Variants in SLC4A10 observed in about 807,000 individuals in gnomAD.
The protein encoded by SLC4A10 is solute carrier family 4 member 10, also known as sodium-driven chloride bicarbonate exchanger.
Under a neutral mutation model 137.7 loss-of-function variants are expected in SLC4A10, and 42 were observed. That is an observed-to-expected ratio of 0.30 (90% CI 0.24 to 0.39). The LOEUF is 0.39. SLC4A10 is among the 10% of genes least tolerant of loss of function. The pLI is 1.00. For missense variants in SLC4A10, 925 were observed against 1,355.0 expected, an observed-to-expected ratio of 0.68 and a Z score of 4.98; for synonymous variants, 474 against 464.1, an observed-to-expected ratio of 1.02 and a Z score of -0.27.
intron 16 of SLC4A10, among the ~76,000 whole-genome samples, chr2:161,943,471 G>C (rs190009753): frequency 3.9e-4 from 60 of 151,984 alleles, no homozygotes; most frequent in Admixed American, 7.2e-4. Flanking sequence ...TCAATCCTGT[G>C]CCATTGTCTT....
At chr2:161,636,859 AATTTTTTT>A (rs1288483236) in intron 1 of SLC4A10, among the ~76,000 whole-genome samples, 4 of 150,858 alleles carry the variant, frequency 2.7e-5, no homozygotes, top group Non-Finnish European at 4.4e-5. Context: ...CTGTCTAATT[AATTTTTTT>A]ATTTTTTTAT....
At chr2:161,833,855 T>TA (rs1208941777) in intron 3 of SLC4A10, among the ~76,000 whole-genome samples, 1 of 152,114 alleles carries the variant, frequency 6.6e-6, no homozygotes, top group African/African-American at 2.4e-5. Flanking sequence ...CTTCAAAAAT[T>TA]AAAAAAAGTT....
At chr2:161,771,164 TGGTAGCTTACTG>T in intron 2 of SLC4A10, 110 bp downstream of exon 2, 1 of 767,106 alleles carries the variant, frequency 1.3e-6, no homozygotes, top group Non-Finnish European at 2.2e-6. Flanking sequence ...ATCAGAGTAA[TGGTAGCTTACTG>T]GGGAGGGGTA....
chr2:161,771,187 C>T, intron 2 of SLC4A10, 133 bp downstream of exon 2: 1 of 643,042 alleles, frequency 1.6e-6, no homozygotes, highest in African/African-American at 1.8e-5. Context: ...GGGAGGGGTA[C>T]ATCTGATTGT....
At chr2:161,920,973 G>A (rs182353271) in intron 15 of SLC4A10, among the ~76,000 whole-genome samples, 1 of 152,302 alleles carries the variant, frequency 6.6e-6, no homozygotes, top group Non-Finnish European at 1.5e-5. Context: ...CTTTGGACAT[G>A]ATATCCACTC....
chr2:161,923,904 CAT>C (rs1448909185), intron 15 of SLC4A10, among the ~76,000 whole-genome samples: 1 of 151,946 alleles, frequency 6.6e-6, no homozygotes. Context: ...GAAACTGAAA[CAT>C]AGAGTGATTA....
At chr2:161,916,325 C>T (rs1375835774) in intron 15 of SLC4A10, among the ~76,000 whole-genome samples, 2 of 152,190 alleles carry the variant, frequency 1.3e-5, no homozygotes, top group Non-Finnish European at 2.9e-5. Flanking sequence ...TTGTCTATTC[C>T]CTTTTTCACA....
intron 15 of SLC4A10, among the ~76,000 whole-genome samples, chr2:161,912,946 G>A (rs185965908): frequency 1.3e-5 from 2 of 152,038 alleles, no homozygotes; most frequent in African/African-American, 2.4e-5. Flanking sequence ...GCCTGATGTC[G>A]CTAAAACGAT....
intron 1 of SLC4A10, among the ~76,000 whole-genome samples, chr2:161,734,609 T>C (rs1435797029): frequency 6.6e-6 from 1 of 152,180 alleles, no homozygotes; most frequent in Non-Finnish European, 1.5e-5. Flanking sequence ...TTTTATCTAT[T>C]TTTTATTTGA....
chr2:161,786,460 A>G lies in SLC4A10; in HGVS notation c.130+15406A>G, dbSNP rs554609223. ...GTTTTGTTCCAATCATAGTACTGTTAGCTAATTGCTTTGTAGTCTCAGTGG... is the reference window on the plus strand; with the variant it reads ...GTTTTGTTCCAATCATAGTACTGTTGGCTAATTGCTTTGTAGTCTCAGTGG... On this transcript the variant is annotated intron_variant, in intron 2 of 26. Coordinates refer to ENST00000446997, the MANE Select transcript of SLC4A10 (RefSeq NM_001178015.2). Among the ~76,000 whole-genome samples, 28 of 151,922 alleles carry G rather than the reference A, an allele frequency of 1.8e-4. No homozygotes were observed. The South Asian group carries it at 5.6e-3, about 30-fold the overall frequency.
intron 23 of SLC4A10, among the ~76,000 whole-genome samples, chr2:161,970,966 T>C (rs562752049): frequency 9.8e-5 from 15 of 152,382 alleles, no homozygotes; most frequent in African/African-American, 3.6e-4. Flanking sequence ...CCTCATTTTA[T>C]GGTTGGCCTA....
intron 15 of SLC4A10, among the ~76,000 whole-genome samples, chr2:161,928,492 T>C (rs974747046): frequency 6.6e-6 from 1 of 151,174 alleles, no homozygotes; most frequent in African/African-American, 2.4e-5. Context: ...CTGCACATTG[T>C]GTACATGTAC....
chr2:161,771,201 G>A, intron 2 of SLC4A10, 147 bp downstream of exon 2: 1 of 614,536 alleles, frequency 1.6e-6, no homozygotes, highest in Non-Finnish European at 2.9e-6. Flanking sequence ...TGATTGTTTT[G>A]GTACAGTTTG....
chr2:161,854,733 C>T (rs924949986), intron 4 of SLC4A10, among the ~76,000 whole-genome samples: 2 of 151,986 alleles, frequency 1.3e-5, no homozygotes, highest in African/African-American at 4.8e-5. Context: ...GACAAGTTAA[C>T]AAAATAACAT....
chr2:161,667,635 G>A (rs1441145742), intron 1 of SLC4A10, among the ~76,000 whole-genome samples: 1 of 151,606 alleles, frequency 6.6e-6, no homozygotes, highest in Non-Finnish European at 1.5e-5. Flanking sequence ...ATCACAATGA[G>A]TTGTAGCAGT....
intron 8 of SLC4A10, 93 bp downstream of exon 8, chr2:161,874,098 G>A (rs1001246169): frequency 8.1e-7 from 1 of 1,234,710 alleles, no homozygotes; most frequent in African/African-American, 1.5e-5. Context: ...CAGTTGAAAT[G>A]TATTCCATCT....
At chr2:161,747,199 C>T (rs1399130727) in intron 1 of SLC4A10, among the ~76,000 whole-genome samples, 1 of 152,066 alleles carries the variant, frequency 6.6e-6, no homozygotes, top group African/African-American at 2.4e-5. Context: ...AGCACATTAG[C>T]CCACAGTGGT....
intron 2 of SLC4A10, among the ~76,000 whole-genome samples, chr2:161,802,412 G>C (rs765092452): frequency 1.3e-5 from 2 of 151,860 alleles, no homozygotes; most frequent in African/African-American, 4.8e-5. Context: ...AAAAAATCAC[G>C]TAATTTAAGT....
chr2:161,921,332 C>T (rs149451804), intron 15 of SLC4A10, among the ~76,000 whole-genome samples: 263 of 152,168 alleles, frequency 1.7e-3, no homozygotes, highest in African/African-American at 6.0e-3. Context: ...TGGCAGAGAG[C>T]CTTAAAAGTT....
Sources: gnomAD v4.1 joint callset for allele counts (sites outside exome capture counted in the v4.1 genomes callset) on GRCh38, gnomAD v4.1.1 for gene constraint, MANE v1.5 for transcripts, NCBI Gene and HGNC (gene_info 2026-07-23, HGNC 2026-07-21) for gene names.